Variants in ZNF397 observed in about 807,000 individuals in gnomAD.
ZNF397 encodes zinc finger protein 397, also known as zinc finger and SCAN domain-containing protein 15.
A neutral mutation model predicts 50.6 loss-of-function variants in ZNF397; 38 were observed. That is an observed-to-expected ratio of 0.75 (90% CI 0.58 to 0.98). The LOEUF is 0.98. Among genes scored for constraint, ZNF397 ranks in the 50% least tolerant of loss-of-function variants. The probability of loss-of-function intolerance (pLI) is 0.00; values close to 1 mark genes in which losing one functional copy is unlikely to be tolerated. For missense variants in ZNF397, 624 were observed against 624.1 expected (o/e 1.00, Z 0.00); for synonymous variants, 228 against 215.2 (o/e 1.06, Z -0.52).
chr18:35,258,213 A>C (rs185411028), exon 6 of ZNF397: 1 of 527,776 alleles, frequency 1.9e-6, no homozygotes, highest in East Asian at 3.3e-5. Flanking sequence ...AAGGAGACTT[A>C]ACAGGAACCC....
Position 35,245,604 on chromosome 18 carries a change from T to C in ZNF397, c.899T>C (p.Leu300Pro). The change falls in exon 4 of 4, where the codon CTA becomes CCA. Residue 300 changes from leucine to proline, a missense_variant. Leu to Pro is a moderately conservative substitution (Grantham distance 98). Transcript: ENST00000330501. ...CACAGCTTCAAGCAGCATTCCTCTCTAACACAACATCAGAGAATCCATACT... is the reference window on the plus strand; with the variant it reads ...CACAGCTTCAAGCAGCATTCCTCTCCAACACAACATCAGAGAATCCATACT... Reference protein sequence around the residue: ...CGHSFKQHSSLTQHQRIHTGE... With the variant: ...CGHSFKQHSSPTQHQRIHTGE... 2.6e-6 allele frequency: 4 copies of C among 1,554,028 alleles called. No individual in the cohort carries two copies. Among genetic ancestry groups the C allele is most frequent in the Non-Finnish European group, 3.5e-6 (4 of 1,148,116 alleles).
rs577769700 is a variant in ZNF397 at position 35,249,691 on chromosome 18, T to C, written c.*3381T>C. Reference sequence around the variant, plus strand: ...AAAAAAAAAAAAACACTGATGTCAATTAATATTAAATGAAGTATTCATGAT... The same window carrying C: ...AAAAAAAAAAAAACACTGATGTCAACTAATATTAAATGAAGTATTCATGAT... On this transcript the variant is annotated 3_prime_UTR_variant, in exon 4 of 4. Transcript: ENST00000330501. The C allele has an allele frequency of 1.4e-5, 2 of 144,082 alleles. No homozygotes were observed. The highest frequency in any genetic ancestry group is 3.0e-5 in the Non-Finnish European group (2 of 66,162). 8.9% of individuals were successfully genotyped at this position (144,082 alleles called of 1,614,324 possible).
At chr18:35,256,100 A>C (rs1295822574) in intron 5 of ZNF397, among the ~76,000 whole-genome samples, 1 of 152,220 alleles carries the variant, frequency 6.6e-6, no homozygotes, top group East Asian at 1.9e-4. Context: ...AAATTCTGTA[A>C]CTATATGAAG....
downstream of ZNF397, chr18:35,254,404 TAA>T (rs2043718112): frequency 1.9e-6 from 3 of 1,613,744 alleles, no homozygotes; most frequent in South Asian, 3.3e-5. Context: ...ATAGAAAGTG[TAA>T]GTATCATTTA....
rs1490940279 is a variant in ZNF397, at chr18:35,249,789, A to G, written c.*3479A>G. On this transcript the variant is annotated 3_prime_UTR_variant, in exon 4 of 4. Coordinates refer to ENST00000330501, the MANE Select transcript of ZNF397 (RefSeq NM_001135178.3). ...TATGTAAAATATATATTTATGTATT[A>G]AAAATACTGAAAACATAAAGTGCTA... 4 of 150,904 alleles carry G rather than the reference A, an allele frequency of 2.7e-5. No homozygotes were observed. Among genetic ancestry groups the G allele is most frequent in the Non-Finnish European group, 4.4e-5 (3 of 67,964 alleles). 9.3% of individuals were successfully genotyped at this position (150,904 alleles called of 1,614,324 possible).
chr18:35,246,288 A>G lies in ZNF397; in HGVS notation c.1583A>G (p.Gln528Arg). The G allele has an allele frequency of 6.5e-7, 1 of 1,548,654 alleles. No homozygotes were observed. Among genetic ancestry groups the G allele is most frequent in the Non-Finnish European group, 8.7e-7 (1 of 1,145,906 alleles). The part of the protein sequence containing the change: ...FRHRSVLMRH[Q>R]RVHTIK Reference sequence around the variant, plus strand: ...CACAGATCGGTCCTTATGCGCCATCAAAGAGTCCACACTATAAAGTAATTT... The same window carrying G: ...CACAGATCGGTCCTTATGCGCCATCGAAGAGTCCACACTATAAAGTAATTT... Residue 528 changes from glutamine (Q) to arginine (R), a missense_variant, in exon 4 of 4, where the codon CAA becomes CGA. Transcript: ENST00000330501.
chr18:35,252,574 C>T (rs946739299), downstream of ZNF397: 7 of 152,138 alleles, frequency 4.6e-5, no homozygotes, highest in African/African-American at 1.7e-4. Flanking sequence ...GTCTCCAGAT[C>T]CTGTTCTCTT....
chr18:35,242,827 G>A lies in ZNF397; in HGVS notation c.357G>A (p.Glu119=). ...WVQQHNPESG[E]EAVTLLEDLE... is the part of the protein sequence containing the mutation. ...AGCAACATAATCCAGAAAGCGGCGA[G>A]GAAGCTGTGACCCTGTTGGAGGATT... is the stretch of plus-strand genomic sequence containing the variant. Residue 119 remains glutamate, a synonymous_variant, in exon 2 of 4, where the codon GAG becomes GAA. Coordinates refer to ENST00000330501, the MANE Select transcript of ZNF397 (RefSeq NM_001135178.3). 6.2e-7 allele frequency: 1 copy of A among 1,614,050 alleles called. No homozygotes were observed.
chr18:35,244,273 G>A (rs529745225), intron 3 of ZNF397, among the ~76,000 whole-genome samples: 110 of 152,350 alleles, frequency 7.2e-4, no homozygotes, highest in African/African-American at 2.5e-3. Flanking sequence ...CAACAGTCTG[G>A]TTAATGGTAG....
At chr18:35,242,942 GTA>G in intron 2 of ZNF397, 58 bp downstream of exon 2, 1 of 1,541,898 alleles carries the variant, frequency 6.5e-7, no homozygotes, top group Non-Finnish European at 8.7e-7. Flanking sequence ...GCATGTAATG[GTA>G]TCATAACAGT....
Position 35,246,710 on chromosome 18 carries a change from A to G in ZNF397, c.*400A>G. On this transcript the variant is annotated 3_prime_UTR_variant, in exon 4 of 4. Transcript: ENST00000330501. Reference sequence around the variant, plus strand: ...TGAGGCACTTCGTCTCAGGAACTAAAAAAAAAAAAAAAACTGACCCAATAA... The same window carrying G: ...TGAGGCACTTCGTCTCAGGAACTAAGAAAAAAAAAAAAACTGACCCAATAA... The G allele has an allele frequency of 1.1e-6, 1 of 879,270 alleles. No individual in the cohort carries two copies. The highest frequency in any genetic ancestry group is 1.4e-6 in the Non-Finnish European group (1 of 732,482). The allele number at this position is 879,270 out of a possible 1,614,324, so 54.5% of individuals were successfully genotyped here.
Position 35,242,446 on chromosome 18 carries a change from T to C in ZNF397, c.-25T>C. On this transcript the variant is annotated 5_prime_UTR_variant, in exon 2 of 4. Coordinates refer to ENST00000330501, the MANE Select transcript of ZNF397 (RefSeq NM_001135178.3). ...AGCACAGAACCAGTTGTACTGAGCT[T>C]TTTGCTAAGCTGTTTCAGCCAAGAA... The C allele has an allele frequency of 6.3e-7, 1 of 1,598,324 alleles. No individual in the cohort carries two copies. The highest frequency in any genetic ancestry group is 8.5e-7 in the Non-Finnish European group (1 of 1,171,414).
intron 3 of ZNF397, chr18:35,244,129 GT>G (rs1274161420): frequency 6.5e-6 from 1 of 154,394 alleles, no homozygotes. Flanking sequence ...ATCAATATGT[GT>G]TATGGTAAGC....
downstream of ZNF397, chr18:35,254,003 C>G: frequency 6.2e-7 from 1 of 1,614,204 alleles, no homozygotes; most frequent in Non-Finnish European, 8.5e-7. Context: ...TGAGCTCTGG[C>G]AAAAGGCCTT....
chr18:35,249,391 C>G lies in ZNF397; in HGVS notation c.*3081C>G, dbSNP rs2043534140. 6.6e-6 allele frequency: 1 copy of G among 152,238 alleles called. No individual in the cohort carries two copies. Among genetic ancestry groups the G allele is most frequent in the Admixed American group, 6.5e-5 (1 of 15,276 alleles). 9.4% of individuals were successfully genotyped at this position (152,238 alleles called of 1,614,324 possible). Reference sequence around the variant, plus strand: ...CACAGGCCAGGCACAGTGGCTCATGCCTGTAATCCCAGCACTTTGGGAGGC... The same window carrying G: ...CACAGGCCAGGCACAGTGGCTCATGGCTGTAATCCCAGCACTTTGGGAGGC... On this transcript the variant is annotated 3_prime_UTR_variant, in exon 4 of 4. Coordinates refer to ENST00000330501, the MANE Select transcript of ZNF397 (RefSeq NM_001135178.3).
At chr18:35,253,579 C>G (rs1043928441), downstream of ZNF397, 8 of 1,613,640 alleles carry the variant, frequency 5.0e-6, no homozygotes, top group African/African-American at 5.3e-5. Flanking sequence ...GGGCTGAGCT[C>G]TGATTGAAGG....
intron 1 of ZNF397, among the ~76,000 whole-genome samples, chr18:35,242,134 G>GA (rs1318686164): frequency 6.6e-6 from 1 of 152,154 alleles, no homozygotes; most frequent in African/African-American, 2.4e-5. Flanking sequence ...CTCACTATGT[G>GA]ATTGATGTTA....
chr18:35,257,820 C>G, intron 5 of ZNF397: 1 of 771,448 alleles, frequency 1.3e-6, no homozygotes, highest in Non-Finnish European at 2.4e-6. Flanking sequence ...TATGCTTCAG[C>G]GGCCCATGAA....
chr18:35,242,392 AAAG>A lies in ZNF397; in HGVS notation c.-74_-72del. 7.1e-7 allele frequency: 1 copy of A among 1,406,900 alleles called. No individual in the cohort carries two copies. The highest frequency in any genetic ancestry group is 9.7e-7 in the Non-Finnish European group (1 of 1,034,004). 87.2% of individuals were successfully genotyped at this position (1,406,900 alleles called of 1,614,324 possible). On this transcript the variant is annotated splice_region_variant and 5_prime_UTR_variant, in exon 2 of 4. Coordinates refer to ENST00000330501, the MANE Select transcript of ZNF397 (RefSeq NM_001135178.3). ...GTTAACTGCTTTTATATCCTTCAGG[AAAG>A]AAGAGATTACTCACACTCCTTCGCA...
Sources: allele counts gnomAD v4.1 joint callset (sites outside exome capture counted in the v4.1 genomes callset), GRCh38; gene constraint gnomAD v4.1.1; transcripts MANE v1.5; gene names NCBI Gene and HGNC (gene_info 2026-07-23, HGNC 2026-07-21).